Variants in FYB2 observed in about 807,000 individuals in gnomAD.
The protein encoded by FYB2 is FYN-binding protein 2.
Under a neutral mutation model 94.1 loss-of-function variants are expected in FYB2, and 103 were observed. The observed-to-expected ratio is 1.09, with a 90% CI of 0.93 to 1.29. The LOEUF is 1.29. Among genes scored for constraint, FYB2 ranks in the 50% most tolerant of loss-of-function variants. The probability of loss-of-function intolerance (pLI) is 0.00; values close to 1 mark genes in which losing one functional copy is unlikely to be tolerated. For synonymous variants in FYB2, 293 were observed against 287.9 expected (o/e 1.02, Z -0.18); for missense variants, 896 against 841.5 (o/e 1.06, Z -0.80).
In FYB2 at chr1:56,724,763, A is replaced by G. The variant is rs1644552672; in HGVS notation, c.1881-1082T>C. Among the ~76,000 whole-genome samples, 6 of 151,952 alleles carry G rather than the reference A, an allele frequency of 3.9e-5. No homozygotes were observed. In the South Asian group the frequency reaches 1.0e-3, roughly 26 times the overall value. On this transcript the variant is annotated intron_variant, in intron 16 of 19. Transcript: ENST00000343433. ...TTACAATGTCTACTTGGGTCATCTT[A>G]GAAAGTGGGTTATCCTTTTCATGCT...
chr1:56,817,728 T>G (rs1570271811), intron 1 of FYB2, among the ~76,000 whole-genome samples: 1 of 152,184 alleles, frequency 6.6e-6, no homozygotes, highest in Non-Finnish European at 1.5e-5. Context: ...TCTTGATTTT[T>G]TTCTCTCTCT....
chr1:56,794,220 A>G (rs1452551496), intron 1 of FYB2, among the ~76,000 whole-genome samples: 2 of 152,122 alleles, frequency 1.3e-5, no homozygotes, highest in Non-Finnish European at 2.9e-5. Context: ...AAGGAGCATG[A>G]CTGGGTTTAT....
At position 56,792,700 on chromosome 1, in the gene FYB2, C is replaced by G. The variant is rs867551811; in HGVS notation, c.113G>C (p.Gly38Ala). Reference sequence around the variant, plus strand: ...AGTTGACTGTGTGCCTCCAATGTCACCCTTTGGAGAAACACCTGCTGGGAA... The same window carrying G: ...AGTTGACTGTGTGCCTCCAATGTCAGCCTTTGGAGAAACACCTGCTGGGAA... ...IKFPAGVSPK[G>A]DIGGTQSTQI... Residue 38 changes from glycine to alanine, a missense_variant, in exon 2 of 20, where the codon GGT becomes GCT. Physicochemically the swap from Gly to Ala is moderately conservative, Grantham distance 60. Transcript: ENST00000343433. 1.2e-6 allele frequency: 2 copies of G among 1,614,046 alleles called. No homozygotes were observed. Among genetic ancestry groups the G allele is most frequent in the East Asian group, 4.5e-5 (2 of 44,858 alleles).
chr1:56,742,068 G>A (rs917818652), intron 12 of FYB2, 93 bp downstream of exon 12: 2 of 1,051,516 alleles, frequency 1.9e-6, no homozygotes, highest in Non-Finnish European at 2.8e-6. Flanking sequence ...CAGTGGGGCT[G>A]GGGGGCGGAT....
intron 5 of FYB2, among the ~76,000 whole-genome samples, chr1:56,763,131 A>G (rs1330531598): frequency 6.6e-6 from 1 of 152,182 alleles, no homozygotes; most frequent in African/African-American, 2.4e-5. Flanking sequence ...ATAAAGAATA[A>G]TTCATTTTCT....
At position 56,727,241 on chromosome 1, in the gene FYB2, G is replaced by A. The variant is rs553090552; in HGVS notation, c.1794-658C>T. Among the ~76,000 whole-genome samples, 5 of 152,192 alleles carry A rather than the reference G, an allele frequency of 3.3e-5. No individual in the cohort carries two copies. In the South Asian group the frequency reaches 1.0e-3, roughly 32 times the overall value. Reference sequence around the variant, plus strand: ...AAGGGAGGAAATGGATGAGCAGAGAGAATGAAATGGATAATCATAGTGGTA... The same window carrying A: ...AAGGGAGGAAATGGATGAGCAGAGAAAATGAAATGGATAATCATAGTGGTA... On this transcript the variant is annotated intron_variant, in intron 15 of 19. Coordinates refer to ENST00000343433, the MANE Select transcript of FYB2 (RefSeq NM_001004303.5).
At chr1:56,778,462 T>A (rs1738412) in intron 4 of FYB2, among the ~76,000 whole-genome samples, 117,456 of 152,072 alleles carry the variant, frequency 0.77, 46,458 homozygotes, top group East Asian at 0.97. Context: ...TTTTTTGTTT[T>A]TATCCTTTTC....
intron 1 of FYB2, among the ~76,000 whole-genome samples, chr1:56,801,602 C>T (rs767099567): frequency 1.4e-4 from 22 of 152,114 alleles, no homozygotes; most frequent in Non-Finnish European, 2.9e-4. Context: ...ATAAATGAAC[C>T]GTCTCCACCA....
At chr1:56,720,483 T>C in intron 17 of FYB2, 154 bp from the exon 18 acceptor site, 1 of 583,676 alleles carries the variant, frequency 1.7e-6, no homozygotes, top group Non-Finnish European at 2.6e-6. Context: ...TAGGAAAGTA[T>C]GCAGTTAAAG....
At chr1:56,818,652 G>A (rs1009616295) in intron 1 of FYB2, among the ~76,000 whole-genome samples, 2 of 152,158 alleles carry the variant, frequency 1.3e-5, no homozygotes, top group African/African-American at 4.8e-5. Context: ...AGGGAATGCT[G>A]GCGTAGGGCA....
chr1:56,735,191 A>G (rs986257800), intron 15 of FYB2, among the ~76,000 whole-genome samples: 1 of 152,152 alleles, frequency 6.6e-6, no homozygotes, highest in African/African-American at 2.4e-5. Flanking sequence ...GCAATAGCCA[A>G]CATATGGAAT....
chr1:56,782,449 C>T (rs976235495), intron 4 of FYB2, among the ~76,000 whole-genome samples: 3 of 152,100 alleles, frequency 2.0e-5, no homozygotes, highest in African/African-American at 4.8e-5. Flanking sequence ...CTCACTTCCA[C>T]AGGATCAGCC....
At chr1:56,809,867 T>C (rs1475616674) in intron 1 of FYB2, among the ~76,000 whole-genome samples, 1 of 152,206 alleles carries the variant, frequency 6.6e-6, no homozygotes, top group Non-Finnish European at 1.5e-5. Flanking sequence ...CACTTCTCTC[T>C]TTTCCTACCT....
intron 9 of FYB2, among the ~76,000 whole-genome samples, chr1:56,749,153 C>T (rs940686093): frequency 1.1e-4 from 16 of 151,124 alleles, no homozygotes; most frequent in Admixed American, 8.6e-4. Flanking sequence ...TTTTGCATGG[C>T]TAGGCATAGA....
At chr1:56,759,414 G>A (rs1025971491) in intron 5 of FYB2, among the ~76,000 whole-genome samples, 4 of 151,984 alleles carry the variant, frequency 2.6e-5, no homozygotes, top group Non-Finnish European at 4.4e-5. Context: ...TAGGATATAG[G>A]GTATGGCCTA....
At chr1:56,773,341 G>A (rs1645803941) in intron 4 of FYB2, among the ~76,000 whole-genome samples, 1 of 152,138 alleles carries the variant, frequency 6.6e-6, no homozygotes, top group African/African-American at 2.4e-5. Flanking sequence ...AGTTGCTCAT[G>A]CACCTCATTC....
intron 4 of FYB2, among the ~76,000 whole-genome samples, chr1:56,778,013 C>T (rs1774818): frequency 0.77 from 117,059 of 152,046 alleles, 46,178 homozygotes; most frequent in East Asian, 0.97. Context: ...CTCATCCCTT[C>T]CCATGTCTCC....
intron 15 of FYB2, among the ~76,000 whole-genome samples, chr1:56,734,281 C>G (rs1226081384): frequency 6.6e-6 from 1 of 152,026 alleles, no homozygotes; most frequent in African/African-American, 2.4e-5. Context: ...CTTCCTCCAT[C>G]CCTTTATTTT....
chr1:56,750,898 T>G (rs1414053710), intron 9 of FYB2, 146 bp downstream of exon 9: 6 of 873,732 alleles, frequency 6.9e-6, no homozygotes, highest in Non-Finnish European at 8.5e-6. Flanking sequence ...TTTTTTCCAC[T>G]ACTGCACAGC....
Sources: allele counts gnomAD v4.1 joint callset (sites outside exome capture counted in the v4.1 genomes callset), GRCh38; gene constraint gnomAD v4.1.1; transcripts MANE v1.5; gene names NCBI Gene and HGNC (gene_info 2026-07-23, HGNC 2026-07-21).